ZNF81: variants seen among roughly 807,000 people sequenced by gnomAD.
ZNF81 encodes zinc finger protein 81 (HFZ20).
Under a neutral mutation model 32.3 loss-of-function variants are expected in ZNF81, and 5 were observed. That is an observed-to-expected ratio of 0.15 (90% CI 0.08 to 0.33). ZNF81 has a LOEUF of 0.33. Among genes scored for constraint, ZNF81 ranks in the 10% least tolerant of loss-of-function variants. The pLI is 1.00. For synonymous variants in ZNF81, 163 were observed against 166.8 expected (o/e 0.98, Z 0.17); for missense variants, 379 against 479.8 (o/e 0.79, Z 1.96).
chrX:47,908,303 A>C (rs782505527), intron 4 of ZNF81, among the ~76,000 whole-genome samples: 60 of 111,724 alleles, frequency 5.4e-4, no homozygotes, highest in African/African-American at 1.8e-3. Context: ...TCATCAGAGA[A>C]ATGTAAATTA....
intron 1 of ZNF81, among the ~76,000 whole-genome samples, chrX:47,844,082 C>T (rs2058461620): frequency 8.9e-6 from 1 of 112,018 alleles, no homozygotes; most frequent in Non-Finnish European, 1.9e-5. Flanking sequence ...ATTTGTATAG[C>T]TTCTGTATTG....
intron 2 of ZNF81, among the ~76,000 whole-genome samples, chrX:47,858,030 A>G (rs1556882095): frequency 9.0e-6 from 1 of 111,402 alleles, no homozygotes; most frequent in Non-Finnish European, 1.9e-5. Context: ...ATGTTGTGGT[A>G]TAACAGCCTG....
chrX:47,896,983 A>G (rs2058681925), intron 4 of ZNF81, among the ~76,000 whole-genome samples: 1 of 112,108 alleles, frequency 8.9e-6, no homozygotes, highest in Non-Finnish European at 1.9e-5. Flanking sequence ...CTCTACACCT[A>G]TTGATGGATA....
In ZNF81 at chrX:47,919,657, T is replaced by C. The variant is rs1487301808; in HGVS notation, c.*3025T>C. On this transcript the variant is annotated 3_prime_UTR_variant, in exon 5 of 5. Coordinates refer to ENST00000338637, the MANE Select transcript of ZNF81 (RefSeq NM_007137.5). ...TTCAAGGTTGCAAACTGCTCACTTC[T>C]TGCATTTTCCCATGTCTACAGCTAG... 1 of 113,178 alleles carries C rather than the reference T, an allele frequency of 8.8e-6. No individual in the cohort carries two copies. The highest frequency in any genetic ancestry group is 1.8e-5 in the Non-Finnish European group (1 of 54,421). 9.3% of individuals were successfully genotyped at this position (113,178 alleles called of 1,213,427 possible). A position where few individuals can be genotyped will look rare whatever the true frequency, so the allele number is the denominator to read the frequency against.
At chrX:47,881,635 C>G (rs1192748434) in intron 2 of ZNF81, among the ~76,000 whole-genome samples, 1 of 112,072 alleles carries the variant, frequency 8.9e-6, no homozygotes. Context: ...CCCCACTTAT[C>G]TTTTCAATTA....
At chrX:47,889,387 A>AG (rs782375894) in intron 3 of ZNF81, among the ~76,000 whole-genome samples, 340 of 112,422 alleles carry the variant, frequency 3.0e-3, no homozygotes, top group Middle Eastern at 0.023. Context: ...CTTCAAGAAA[A>AG]GGGAAGAATG....
intron 2 of ZNF81, among the ~76,000 whole-genome samples, chrX:47,858,383 T>C (rs1021290625): frequency 8.9e-6 from 1 of 112,280 alleles, no homozygotes; most frequent in Non-Finnish European, 1.9e-5. Flanking sequence ...GAGTCCCTTA[T>C]AAGTCATCTT....
Position 47,923,388 on chromosome X carries a change from C to T in ZNF81, c.*6756C>T, listed in dbSNP as rs782260280. Among the ~76,000 whole-genome samples, 1 of 110,870 alleles carries T rather than the reference C, an allele frequency of 9.0e-6. No individual in the cohort carries two copies. The highest frequency in any genetic ancestry group is 1.9e-5 in the Non-Finnish European group (1 of 52,895). On this transcript the variant is annotated 3_prime_UTR_variant, in exon 5 of 5. Transcript: ENST00000338637. ...TAAGACCAAAGCTTGTGCTTTGGGT[C>T]GAGAAGGATATGCCTATAGAAGATA...
intron 1 of ZNF81, chrX:47,841,415 A>G (rs781878876): frequency 4.1e-4 from 349 of 849,458 alleles, no homozygotes; most frequent in Non-Finnish European, 5.3e-4. Flanking sequence ...CACGCCATCA[A>G]TCCTTTCGAT....
chrX:47,878,841 C>T (rs1224607901), intron 2 of ZNF81, among the ~76,000 whole-genome samples: 1 of 112,184 alleles, frequency 8.9e-6, no homozygotes, highest in Non-Finnish European at 1.9e-5. Context: ...GTTCAGAAGT[C>T]CAAAATGGTT....
rs371181969 is a variant in ZNF81, at chrX:47,915,048, A to G, written c.402A>G (p.Gln134=). 1 of 1,209,613 alleles carries G rather than the reference A, an allele frequency of 8.3e-7. No homozygotes were observed. The highest frequency in any genetic ancestry group is 1.7e-5 in the African/African-American group (1 of 57,756). Residue 134 remains glutamine, a synonymous_variant, in exon 5 of 5, where the codon CAA becomes CAG. Transcript: ENST00000338637. The stretch of plus-strand genomic sequence containing the variant: ...ACTCTATTTTAGAAGAATTGTGGCA[A>G]GATGCTGAACAGATAAAGAGATGTC... ...SLYSILEELW[Q]DAEQIKRCQE...
intron 4 of ZNF81, 26 bp from the exon 5 acceptor site, chrX:47,914,898 A>G (rs782114615): frequency 1.3e-5 from 16 of 1,197,397 alleles, no homozygotes; most frequent in Non-Finnish European, 1.8e-5. Context: ...GTTTGTGTCA[A>G]TTTTACTTTT....
chrX:47,891,197 CAA>C (rs1457384352), intron 3 of ZNF81, among the ~76,000 whole-genome samples: 1 of 112,438 alleles, frequency 8.9e-6, no homozygotes. Flanking sequence ...ACAAGTATCA[CAA>C]AAAAACATTT....
Position 47,920,791 on chromosome X carries a change from G to A in ZNF81, c.*4159G>A, listed in dbSNP as rs2058774037. ...CTATGGAGAAGAGCCTGCAAGCAGA[G>A]ACCAACTACCCTTAGGTCTACAGCT... On this transcript the variant is annotated 3_prime_UTR_variant, in exon 5 of 5. Transcript: ENST00000338637. The A allele has an allele frequency of 9.0e-6, 1 of 110,595 alleles. No homozygotes were observed. Among genetic ancestry groups the A allele is most frequent in the Admixed American group, 9.6e-5 (1 of 10,379 alleles). The allele number at this position is 110,595 out of a possible 1,213,427, so 9.1% of individuals were successfully genotyped here.
At chrX:47,856,255 A>G (rs1433502939) in intron 2 of ZNF81, among the ~76,000 whole-genome samples, 1 of 111,106 alleles carries the variant, frequency 9.0e-6, no homozygotes, top group Non-Finnish European at 1.9e-5. Flanking sequence ...TTCCCACAGA[A>G]GAGATAGTTG....
intron 2 of ZNF81, 83 bp from the exon 3 acceptor site, chrX:47,887,916 G>C (rs2058648265): frequency 7.9e-6 from 9 of 1,144,877 alleles, no homozygotes; most frequent in Non-Finnish European, 1.1e-5. Flanking sequence ...TGATGAAAAA[G>C]TATCAAAAAG....
chrX:47,907,203 A>G (rs782547510), intron 4 of ZNF81, among the ~76,000 whole-genome samples: 2 of 93,811 alleles, frequency 2.1e-5, no homozygotes, highest in South Asian at 1.1e-3. Flanking sequence ...ATTTTTTGAC[A>G]CAGAGGCACC....
intron 1 of ZNF81, chrX:47,840,985 A>G: frequency 2.9e-6 from 2 of 678,646 alleles, no homozygotes; most frequent in South Asian, 2.2e-5. Context: ...GTGGATGAGC[A>G]GATTGATGTG....
rs1556880505 is a variant in ZNF81 at position 47,846,324 on chromosome X, G to A, written c.54+3G>A. The A allele has an allele frequency of 8.3e-7, 1 of 1,207,531 alleles. No homozygotes were observed. The highest frequency in any genetic ancestry group is 1.1e-6 in the Non-Finnish European group (1 of 893,660). On this transcript the variant is annotated splice_donor_region_variant and intron_variant, in intron 2 of 4. Transcript: ENST00000338637. ...GGGAACATGGCAGTGCCTGTGAGGT[G>A]AGGAGGAGGAAGAGGTGCCCAGGGA...
Sources: allele counts gnomAD v4.1 joint callset (sites outside exome capture counted in the v4.1 genomes callset), GRCh38; gene constraint gnomAD v4.1.1; transcripts MANE v1.5; gene names NCBI Gene and HGNC (gene_info 2026-07-23, HGNC 2026-07-21).